The following R3HDM2 variants were observed in gnomAD, a reference collection of about 807,000 sequenced individuals.
R3HDM2 encodes R3H domain-containing protein 2.
A neutral mutation model predicts 124.5 loss-of-function variants in R3HDM2; 38 were observed. The observed-to-expected ratio is 0.31, with a 90% CI of 0.24 to 0.40. R3HDM2 has a LOEUF of 0.40. R3HDM2 is among the 10% of genes least tolerant of loss of function. R3HDM2 has a pLI of 1.00. For synonymous variants in R3HDM2, 391 were observed against 448.0 expected, an observed-to-expected ratio of 0.87 and a Z score of 1.61; for missense variants, 869 against 1,236.9, an observed-to-expected ratio of 0.70 and a Z score of 4.46.
chr12:57,424,159 T>C (rs1000177468), intron 1 of R3HDM2, among the ~76,000 whole-genome samples: 1 of 142,176 alleles, frequency 7.0e-6, no homozygotes, highest in Admixed American at 7.1e-5. Flanking sequence ...AAACTGTAAG[T>C]GAACACTTCT....
chr12:57,416,278 GAA>G (rs1333871222), intron 1 of R3HDM2, among the ~76,000 whole-genome samples: 2 of 152,040 alleles, frequency 1.3e-5, no homozygotes, highest in Non-Finnish European at 2.9e-5. Flanking sequence ...GAGAGGAAGA[GAA>G]AAAGAGGAAG....
intron 2 of R3HDM2, among the ~76,000 whole-genome samples, chr12:57,345,455 C>T (rs547607804): frequency 6.6e-6 from 1 of 151,074 alleles, no homozygotes; most frequent in East Asian, 2.0e-4. Context: ...ATGATGCATT[C>T]GTTATTAAGG....
In R3HDM2 at chr12:57,254,069, A is replaced by G. The variant is rs1056730327; in HGVS notation, c.*704T>C. On this transcript the variant is annotated 3_prime_UTR_variant, in exon 24 of 24. Transcript: ENST00000402412. ...ATCTTAATTCTGTCCATATAAATAT[A>G]TTCATAAAGACCAAAAAAGGAAAGG... 4 of 422,150 alleles carry G rather than the reference A, an allele frequency of 9.5e-6. No homozygotes were observed. Among genetic ancestry groups the G allele is most frequent in the African/African-American group, 8.4e-5 (4 of 47,402 alleles). 26.2% of individuals were successfully genotyped at this position (422,150 alleles called of 1,614,324 possible).
At chr12:57,316,535 C>A in intron 2 of R3HDM2, among the ~76,000 whole-genome samples, 1 of 149,790 alleles carries the variant, frequency 6.7e-6, no homozygotes, top group Non-Finnish European at 1.5e-5. Context: ...AGCACCCTGC[C>A]AACACATGGA....
chr12:57,376,102 T>C (rs959390245), intron 2 of R3HDM2, among the ~76,000 whole-genome samples: 1 of 152,248 alleles, frequency 6.6e-6, no homozygotes, highest in Non-Finnish European at 1.5e-5. Flanking sequence ...TCTGGCACTC[T>C]TGGTCTTGGA....
chr12:57,300,155 A>T lies in R3HDM2; in HGVS notation c.234T>A (p.Arg78=). The T allele has an allele frequency of 6.4e-7, 1 of 1,551,704 alleles. No individual in the cohort carries two copies. Among genetic ancestry groups the T allele is most frequent in the Non-Finnish European group, 8.7e-7 (1 of 1,146,946 alleles). The stretch of plus-strand genomic sequence containing the variant: ...AGGACTCCTCACACACTGCCAGGCT[A>T]CGCACCAACTTTAGCTTGGAATTAG... ...AKSNSKLKLV[R]SLAVCEESST... The change falls in exon 5 of 24, where the codon CGT becomes CGA. Residue 78 remains arginine, a synonymous_variant. Coordinates refer to ENST00000402412, the MANE Select transcript of R3HDM2 (RefSeq NM_001394031.1).
rs745872445 is a variant in R3HDM2 at position 57,385,693 on chromosome 12, C to CA, written c.-36+10055dup. Reference sequence around the variant, plus strand: ...GGGCAACACAGCAGGACCCCGTCTTCAAAAAAAAAAAAAGACTTAGTAACA... The same window carrying CA: ...GGGCAACACAGCAGGACCCCGTCTTCAAAAAAAAAAAAAAGACTTAGTAACA... On this transcript the variant is annotated intron_variant, in intron 2 of 23. Transcript: ENST00000402412. Among the ~76,000 whole-genome samples the CA allele has an allele frequency of 8.3e-3, 999 of 120,226 alleles. 2 individuals are homozygous for CA. The highest frequency in any genetic ancestry group is 0.01 in the Admixed American group (120 of 11,808). 78.9% of individuals were successfully genotyped at this position (120,226 alleles called of 152,430 possible).
At chr12:57,342,582 CCTGCCTCCACACTGCT>C (rs1443346679) in intron 2 of R3HDM2, among the ~76,000 whole-genome samples, 4 of 152,206 alleles carry the variant, frequency 2.6e-5, no homozygotes, top group Admixed American at 6.6e-5. Context: ...CAGTGGCACG[CCTGCCTCCACACTGCT>C]CTGAGGATAG....
At chr12:57,386,181 G>A (rs1465204186) in intron 2 of R3HDM2, among the ~76,000 whole-genome samples, 2 of 145,852 alleles carry the variant, frequency 1.4e-5, no homozygotes, top group African/African-American at 2.6e-5. Context: ...CGCTCTGGGG[G>A]CCTCCTCTGC....
chr12:57,256,503 G>A lies in R3HDM2; in HGVS notation c.2458C>T (p.Arg820Cys), dbSNP rs756247490. The A allele has an allele frequency of 9.5e-6, 15 of 1,579,866 alleles. No homozygotes were observed. The highest frequency in any genetic ancestry group is 3.5e-5 in the South Asian group (3 of 86,044). The part of the protein sequence containing the change: ...RPGGPAQGDG[R>C]YSLLGQPLQY... ...AATGGCTGGCCCAAAAGGGAGTAGC[G>A]CCCATCACCTAGGGAGTAAGAGCAA... The change falls in exon 22 of 24, where the codon CGC (arginine) becomes TGC (cysteine). Residue 820 changes from arginine (R) to cysteine (C), a missense_variant. By Grantham distance (180) the Arg-to-Cys change is radical. Coordinates refer to ENST00000402412, the MANE Select transcript of R3HDM2 (RefSeq NM_001394031.1).
At chr12:57,363,388 C>T (rs994927063) in intron 2 of R3HDM2, among the ~76,000 whole-genome samples, 1 of 151,998 alleles carries the variant, frequency 6.6e-6, no homozygotes, top group Admixed American at 6.6e-5. Context: ...TTTATCACCC[C>T]CAAAAGAAAC....
At chr12:57,342,272 T>C (rs1290020395) in intron 2 of R3HDM2, among the ~76,000 whole-genome samples, 1 of 152,178 alleles carries the variant, frequency 6.6e-6, no homozygotes. Flanking sequence ...AAATTCCTTC[T>C]GGGAAACCTG....
chr12:57,398,624 G>T (rs1250157453), intron 1 of R3HDM2, among the ~76,000 whole-genome samples: 3 of 152,016 alleles, frequency 2.0e-5, no homozygotes, highest in Non-Finnish European at 4.4e-5. Flanking sequence ...AAGTAGGTGG[G>T]ATTACAGGTG....
At chr12:57,286,062 C>A (rs997415959) in intron 12 of R3HDM2, among the ~76,000 whole-genome samples, 1 of 152,116 alleles carries the variant, frequency 6.6e-6, no homozygotes, top group Non-Finnish European at 1.5e-5. Flanking sequence ...TCCCTCTCTA[C>A]AAATAAAAAT....
At chr12:57,266,106 C>CTT (rs74991749) in intron 19 of R3HDM2, among the ~76,000 whole-genome samples, 13 of 111,134 alleles carry the variant, frequency 1.2e-4, no homozygotes, top group South Asian at 3.0e-4. Context: ...CATAATTTTT[C>CTT]TTTTTTTTTT....
chr12:57,349,653 C>T lies in R3HDM2; in HGVS notation c.-35-39190G>A, dbSNP rs557642393. Among the ~76,000 whole-genome samples the T allele has an allele frequency of 5.3e-5, 8 of 151,296 alleles. No homozygotes were observed. The South Asian group carries it at 1.7e-3, about 32-fold the overall frequency. On this transcript the variant is annotated intron_variant, in intron 2 of 23. Coordinates refer to ENST00000402412, the MANE Select transcript of R3HDM2 (RefSeq NM_001394031.1). ...TCAGCTCACTATAACCTCCGCCTCCCGGGTTCAAGCCATTCTCCTGCCTCA... is the reference window on the plus strand; with the variant it reads ...TCAGCTCACTATAACCTCCGCCTCCTGGGTTCAAGCCATTCTCCTGCCTCA...
At chr12:57,335,491 CCT>C (rs1491324307) in intron 2 of R3HDM2, among the ~76,000 whole-genome samples, 2 of 122,260 alleles carry the variant, frequency 1.6e-5, no homozygotes, top group African/African-American at 3.3e-5. Flanking sequence ...CGCCCGGCCA[CCT>C]TTTTTTTTTT....
chr12:57,285,003 A>G (rs1309112196), intron 12 of R3HDM2, among the ~76,000 whole-genome samples: 1 of 152,202 alleles, frequency 6.6e-6, no homozygotes, highest in Non-Finnish European at 1.5e-5. Context: ...AAGAACCAGC[A>G]ATTTTTCTTT....
intron 2 of R3HDM2, among the ~76,000 whole-genome samples, chr12:57,387,195 C>A (rs1338023575): frequency 6.6e-6 from 1 of 152,058 alleles, no homozygotes; most frequent in Non-Finnish European, 1.5e-5. Flanking sequence ...GCTGGGGTCC[C>A]CTTCCACACT....
Sources: gnomAD v4.1 joint callset for allele counts (sites outside exome capture counted in the v4.1 genomes callset) on GRCh38, gnomAD v4.1.1 for gene constraint, MANE v1.5 for transcripts, NCBI Gene and HGNC (gene_info 2026-07-23, HGNC 2026-07-21) for gene names.